CDH8: variants seen among roughly 807,000 people sequenced by gnomAD.
CDH8 encodes cadherin 8.
Under a neutral mutation model 68.1 loss-of-function variants are expected in CDH8, and 17 were observed. That is an observed-to-expected ratio of 0.25 (90% CI 0.17 to 0.37). The LOEUF (loss-of-function observed/expected upper bound fraction) is 0.37. Ranked by LOEUF, CDH8 falls within the 10% of genes least tolerant of loss-of-function variation. CDH8 has a pLI of 1.00. For synonymous variants in CDH8, 372 were observed against 365.1 expected, an observed-to-expected ratio of 1.02 and a Z score of -0.21; for missense variants, 763 against 999.3, an observed-to-expected ratio of 0.76 and a Z score of 3.19.
intron 8 of CDH8, 104 bp downstream of exon 8, chr16:61,789,242 A>G: frequency 3.0e-6 from 3 of 1,000,200 alleles, no homozygotes; most frequent in East Asian, 2.6e-5. Flanking sequence ...ATAAGTTCCA[A>G]TGTCAAGGTA....
At chr16:61,774,363 G>C (rs1264476106) in intron 8 of CDH8, among the ~76,000 whole-genome samples, 1 of 151,532 alleles carries the variant, frequency 6.6e-6, no homozygotes, top group Non-Finnish European at 1.5e-5. Flanking sequence ...ATTCTGTGGG[G>C]ATCCTTCCCT....
rs76682311 is a variant in CDH8, at chr16:61,896,553, T to C, written c.547+4626A>G. ...GAAGAGACAGGCTAAGGAAGAACAG[T>C]GGTAAGAGGAAGAAAAAAGCGATGG... On this transcript the variant is annotated intron_variant, in intron 3 of 11. Transcript: ENST00000577390. 4.6e-5 allele frequency among the ~76,000 whole-genome samples: 7 copies of C among 152,032 alleles called. No homozygotes were observed. The East Asian group carries it at 1.4e-3, about 29-fold the overall frequency.
intron 10 of CDH8, among the ~76,000 whole-genome samples, chr16:61,662,578 C>T (rs900051974): frequency 6.6e-6 from 1 of 150,986 alleles, no homozygotes; most frequent in African/African-American, 2.4e-5. Context: ...AGAAATGGGC[C>T]GATCAGTATC....
intron 10 of CDH8, chr16:61,693,049 G>T (rs560104469): frequency 6.6e-6 from 1 of 152,252 alleles, no homozygotes; most frequent in Admixed American, 6.5e-5. Context: ...GATGTTGAAA[G>T]TGTTAACTGA....
intron 4 of CDH8, among the ~76,000 whole-genome samples, chr16:61,843,100 T>C (rs1041212859): frequency 1.6e-4 from 24 of 152,078 alleles, no homozygotes; most frequent in Non-Finnish European, 4.4e-5. Flanking sequence ...GCCTGGACCC[T>C]CTGGTCCTAT....
rs80169215 is a variant in CDH8 at position 61,733,890 on chromosome 16, T to C, written c.1415-6675A>G. Reference sequence around the variant, plus strand: ...AGTGATCCAGTAAATGATCAATGAATACCTCAAAACATTCAAACTAATTAA... The same window carrying C: ...AGTGATCCAGTAAATGATCAATGAACACCTCAAAACATTCAAACTAATTAA... On this transcript the variant is annotated intron_variant, in intron 8 of 11. Transcript: ENST00000577390. Among the ~76,000 whole-genome samples the C allele has an allele frequency of 6.0e-4, 91 of 152,200 alleles. No homozygotes were observed. The East Asian group carries it at 0.017, about 28-fold the overall frequency.
chr16:61,940,129 G>A (rs1964689344), intron 2 of CDH8: 1 of 152,054 alleles, frequency 6.6e-6, no homozygotes, highest in Admixed American at 6.6e-5. Context: ...TTCTAGGTTA[G>A]TCATAGATTT....
intron 4 of CDH8, among the ~76,000 whole-genome samples, chr16:61,844,110 C>G (rs868383522): frequency 2.0e-4 from 31 of 151,900 alleles, no homozygotes; most frequent in African/African-American, 7.2e-4. Context: ...AAAATGATGA[C>G]TTCATGTCCT....
intron 3 of CDH8, among the ~76,000 whole-genome samples, chr16:61,864,842 A>G (rs1226883611): frequency 6.6e-6 from 1 of 152,176 alleles, no homozygotes; most frequent in Admixed American, 6.5e-5. Flanking sequence ...GTTAACTGCA[A>G]GAGTAATGTC....
intron 2 of CDH8, among the ~76,000 whole-genome samples, chr16:61,939,381 C>A (rs1964677002): frequency 6.6e-6 from 1 of 152,102 alleles, no homozygotes; most frequent in African/African-American, 2.4e-5. Context: ...AGACATCGTT[C>A]TAAATTTAAA....
chr16:61,898,299 C>CAA (rs538928242), intron 3 of CDH8, among the ~76,000 whole-genome samples: 1 of 137,030 alleles, frequency 7.3e-6, no homozygotes, highest in South Asian at 2.4e-4. Context: ...GACTCTGTCT[C>CAA]AAAAAAAAAA....
chr16:62,028,760 C>T (rs912132177), intron 1 of CDH8, among the ~76,000 whole-genome samples: 3 of 151,104 alleles, frequency 2.0e-5, no homozygotes, highest in Admixed American at 6.6e-5. Flanking sequence ...AAACGAGTAT[C>T]AGTCCCACAA....
chr16:61,899,270 T>C (rs1416917210), intron 3 of CDH8, among the ~76,000 whole-genome samples: 45 of 152,320 alleles, frequency 3.0e-4, no homozygotes, highest in Non-Finnish European at 4.4e-5. Flanking sequence ...AGAATGATGG[T>C]TTCCAGCTTC....
Position 62,036,194 on chromosome 16 carries a change from A to G in CDH8, c.-314T>C, listed in dbSNP as rs116022708. ...GCCGACCGGTCCTCGCTCGCTAGGC[A>G]GGCGCCTCCGGATTCCGTTCATGCC... is the stretch of plus-strand genomic sequence containing the variant. On this transcript the variant is annotated 5_prime_UTR_variant, in exon 1 of 12. Transcript: ENST00000577390. 6.6e-6 allele frequency: 1 copy of G among 152,228 alleles called. No homozygotes were observed. The highest frequency in any genetic ancestry group is 1.5e-5 in the Non-Finnish European group (1 of 68,098). The allele number at this position is 152,228 out of a possible 1,614,324, so 9.4% of individuals were successfully genotyped here. A position where few individuals can be genotyped will look rare whatever the true frequency, so the allele number is the denominator to read the frequency against.
chr16:61,766,240 G>A (rs979269915), intron 8 of CDH8, among the ~76,000 whole-genome samples: 1 of 151,712 alleles, frequency 6.6e-6, no homozygotes, highest in Admixed American at 6.6e-5. Flanking sequence ...AGAACATGTG[G>A]GTATTTGGTT....
intron 8 of CDH8, among the ~76,000 whole-genome samples, chr16:61,759,826 A>G (rs928831643): frequency 2.0e-5 from 3 of 152,092 alleles, no homozygotes; most frequent in Non-Finnish European, 4.4e-5. Flanking sequence ...CCTCTCATTG[A>G]GTTTCTTCCC....
At chr16:61,743,264 T>TTC (rs1959924843) in intron 8 of CDH8, 1 of 152,174 alleles carries the variant, frequency 6.6e-6, no homozygotes, top group Admixed American at 6.5e-5. Context: ...CTGAAGAATC[T>TTC]ATCACGGGAG....
At chr16:61,860,091 T>C (rs758454565) in intron 3 of CDH8, among the ~76,000 whole-genome samples, 2 of 152,132 alleles carry the variant, frequency 1.3e-5, no homozygotes, top group Non-Finnish European at 2.9e-5. Context: ...TCTGCCCACC[T>C]CTGCCTCCCA....
intron 8 of CDH8, among the ~76,000 whole-genome samples, chr16:61,737,740 A>C (rs1297410972): frequency 5.3e-5 from 8 of 152,074 alleles, no homozygotes; most frequent in African/African-American, 1.9e-4. Context: ...TTATCTTTAC[A>C]GTATTGTTTT....
Sources: gnomAD v4.1 joint callset for allele counts (sites outside exome capture counted in the v4.1 genomes callset) on GRCh38, gnomAD v4.1.1 for gene constraint, MANE v1.5 for transcripts, NCBI Gene and HGNC (gene_info 2026-07-23, HGNC 2026-07-21) for gene names.